Variants in TMEFF2 observed in about 807,000 individuals in gnomAD.
The protein encoded by TMEFF2 is tomoregulin-2.
Under a neutral mutation model 53.8 loss-of-function variants are expected in TMEFF2, and 28 were observed. That is an observed-to-expected ratio of 0.52 (90% confidence interval 0.39 to 0.71). The LOEUF is 0.71. Among genes scored for constraint, TMEFF2 ranks in the 30% least tolerant of loss-of-function variants. TMEFF2 has a pLI of 0.00. For synonymous variants in TMEFF2, 162 were observed against 166.3 expected, an observed-to-expected ratio of 0.97 and a Z score of 0.20; for missense variants, 353 against 455.2, an observed-to-expected ratio of 0.78 and a Z score of 2.04.
chr2:191,959,194 A>G (rs1309533119), intron 7 of TMEFF2, among the ~76,000 whole-genome samples: 2 of 152,162 alleles, frequency 1.3e-5, no homozygotes, highest in African/African-American at 4.8e-5. Flanking sequence ...GTTTAATGTA[A>G]GGGTTGTGCT....
intron 5 of TMEFF2, among the ~76,000 whole-genome samples, chr2:192,010,008 A>G (rs903119430): frequency 1.3e-5 from 2 of 152,240 alleles, no homozygotes; most frequent in Non-Finnish European, 2.9e-5. Flanking sequence ...AGTTGTTTAA[A>G]CAAACTTTGA....
intron 7 of TMEFF2, among the ~76,000 whole-genome samples, chr2:191,979,818 T>C (rs1685811967): frequency 6.7e-6 from 1 of 149,106 alleles, no homozygotes; most frequent in South Asian, 2.1e-4. Flanking sequence ...TTTTAATTTA[T>C]GATTAATATA....
At chr2:192,097,469 T>C (rs1340809774) in intron 4 of TMEFF2, among the ~76,000 whole-genome samples, 1 of 152,228 alleles carries the variant, frequency 6.6e-6, no homozygotes, top group Non-Finnish European at 1.5e-5. Context: ...TAGACAATAA[T>C]TCACCCAAAC....
chr2:191,992,021 A>C (rs1279593246), intron 7 of TMEFF2, among the ~76,000 whole-genome samples: 1 of 152,152 alleles, frequency 6.6e-6, no homozygotes, highest in Non-Finnish European at 1.5e-5. Flanking sequence ...CAGCACTCTA[A>C]TGTAAATCCC....
chr2:192,194,557 G>T lies in TMEFF2; in HGVS notation c.-33C>A. 1 of 1,600,510 alleles carries T rather than the reference G, an allele frequency of 6.2e-7. No individual in the cohort carries two copies. Among genetic ancestry groups the T allele is most frequent in the Non-Finnish European group, 8.5e-7 (1 of 1,171,286 alleles). On this transcript the variant is annotated 5_prime_UTR_variant, in exon 1 of 10. Transcript: ENST00000272771. This position sits in a 1 kb window ranked among gnomAD's most constrained non-coding sequence, Gnocchi z 4.2. ...TCGTGCAACTCTGCAGCAGCAAACG[G>T]CTTCCGAGGAACACAGGATCGCGGG...
intron 4 of TMEFF2, among the ~76,000 whole-genome samples, chr2:192,152,813 T>C (rs763650109): frequency 3.3e-5 from 5 of 151,826 alleles, no homozygotes; most frequent in South Asian, 2.1e-4. Flanking sequence ...TTTTAACAGG[T>C]TGATGAAGGC....
intron 7 of TMEFF2, among the ~76,000 whole-genome samples, chr2:191,962,026 A>G (rs1282496816): frequency 2.0e-5 from 3 of 152,198 alleles, no homozygotes; most frequent in African/African-American, 7.2e-5. Flanking sequence ...GATACAATCA[A>G]TTCTCAAGTT....
intron 5 of TMEFF2, among the ~76,000 whole-genome samples, chr2:192,000,650 G>A (rs1266396160): frequency 6.6e-6 from 1 of 152,140 alleles, no homozygotes; most frequent in Non-Finnish European, 1.5e-5. Flanking sequence ...GATTGAGAGA[G>A]GCTTTGTATA....
chr2:192,008,347 A>C (rs1284720265), intron 5 of TMEFF2, among the ~76,000 whole-genome samples: 5 of 152,152 alleles, frequency 3.3e-5, no homozygotes, highest in Non-Finnish European at 7.4e-5. Context: ...AGCAGGATTT[A>C]ATTCTCCATC....
At chr2:192,030,416 G>A (rs927627439) in intron 5 of TMEFF2, 11 of 152,064 alleles carry the variant, frequency 7.2e-5, no homozygotes, top group African/African-American at 2.7e-4. Flanking sequence ...CATTGATACA[G>A]AGGCTTACTC....
At chr2:192,018,981 C>T (rs1686802160) in intron 5 of TMEFF2, among the ~76,000 whole-genome samples, 1 of 151,716 alleles carries the variant, frequency 6.6e-6, no homozygotes, top group African/African-American at 2.4e-5. Flanking sequence ...TTCTCAATTA[C>T]ACACATTCAG....
Position 192,082,845 on chromosome 2 carries a change from C to CA in TMEFF2, c.440-25071dup, listed in dbSNP as rs926019878. ...CAACCATAAAATATGTTTTCAATTA[C>CA]AAAAAAAACGGAAGAGAGTAAAAGA... is the stretch of plus-strand genomic sequence containing the variant. On this transcript the variant is annotated intron_variant, in intron 4 of 9. Transcript: ENST00000272771. 2.1e-4 allele frequency among the ~76,000 whole-genome samples: 31 copies of CA among 150,778 alleles called. No individual in the cohort carries two copies. In the South Asian group the frequency reaches 2.3e-3, roughly 11 times the overall value.
chr2:192,177,898 A>G (rs747378920), intron 4 of TMEFF2: 4 of 151,076 alleles, frequency 2.6e-5, no homozygotes, highest in Non-Finnish European at 5.9e-5. Context: ...TGCATGTGCT[A>G]ATAACAATGA....
intron 7 of TMEFF2, among the ~76,000 whole-genome samples, chr2:191,969,717 T>C (rs1443635215): frequency 6.6e-6 from 1 of 152,134 alleles, no homozygotes; most frequent in African/African-American, 2.4e-5. Context: ...TACTGCCATT[T>C]GACAGTACCT....
chr2:192,106,848 T>C (rs893551009), intron 4 of TMEFF2, among the ~76,000 whole-genome samples: 14 of 151,678 alleles, frequency 9.2e-5, no homozygotes, highest in African/African-American at 3.4e-4. Flanking sequence ...GGCAATGTGG[T>C]GAAAATTATT....
intron 4 of TMEFF2, among the ~76,000 whole-genome samples, chr2:192,067,028 A>C (rs1247498328): frequency 6.6e-6 from 1 of 151,848 alleles, no homozygotes; most frequent in Admixed American, 6.6e-5. Context: ...TCCCAGTTAG[A>C]GGAGATTGAG....
chr2:192,137,342 G>A (rs548269189), intron 4 of TMEFF2, among the ~76,000 whole-genome samples: 1 of 152,320 alleles, frequency 6.6e-6, no homozygotes, highest in East Asian at 1.9e-4. Flanking sequence ...GCCTGGGGCA[G>A]AAAAGTCCAG....
intron 4 of TMEFF2, among the ~76,000 whole-genome samples, chr2:192,095,223 T>C (rs1202765363): frequency 1.3e-5 from 2 of 152,142 alleles, no homozygotes; most frequent in Admixed American, 1.3e-4. Context: ...GGAAGGCAAC[T>C]TGGGTAAGAG....
intron 4 of TMEFF2, among the ~76,000 whole-genome samples, chr2:192,143,711 AGTATCCC>A (rs1307446597): frequency 6.6e-5 from 10 of 152,096 alleles, no homozygotes; most frequent in Non-Finnish European, 1.0e-4. Flanking sequence ...CTGTAATTTG[AGTATCCC>A]CATGACAACC....
Sources: allele counts gnomAD v4.1 joint callset (sites outside exome capture counted in the v4.1 genomes callset), GRCh38; gene constraint gnomAD v4.1.1; non-coding constraint Gnocchi (gnomAD v3.1); transcripts MANE v1.5; gene names NCBI Gene and HGNC (gene_info 2026-07-23, HGNC 2026-07-21).